AGBL1: variants seen among roughly 807,000 people sequenced by gnomAD.
The protein encoded by AGBL1 is cytosolic carboxypeptidase 4.
AGBL1 carries 130 observed loss-of-function variants against 118.9 expected under a neutral mutation model. That is an observed-to-expected ratio of 1.09 (90% CI 0.95 to 1.26). AGBL1 has a LOEUF of 1.26. Among genes scored for constraint, AGBL1 ranks in the 50% most tolerant of loss-of-function variants. The pLI is 0.00. For missense variants in AGBL1, 1,584 were observed against 1,298.1 expected (o/e 1.22, Z -3.38); for synonymous variants, 555 against 478.9 (o/e 1.16, Z -2.08).
intron 18 of AGBL1, among the ~76,000 whole-genome samples, chr15:86,438,072 A>G (rs1320905608): frequency 6.6e-5 from 10 of 151,800 alleles, no homozygotes; most frequent in Non-Finnish European, 2.9e-5. Flanking sequence ...TGCCCAACTA[A>G]TTTTTGTATT....
chr15:86,885,614 CTG>C (rs1200098906), intron 22 of AGBL1, among the ~76,000 whole-genome samples: 1 of 152,106 alleles, frequency 6.6e-6, no homozygotes, highest in Non-Finnish European at 1.5e-5. Context: ...TGCTACCTGA[CTG>C]TAATATAATT....
At chr15:86,189,882 T>C (rs1273791331) in intron 5 of AGBL1, among the ~76,000 whole-genome samples, 2 of 152,188 alleles carry the variant, frequency 1.3e-5, no homozygotes, top group African/African-American at 2.4e-5. Flanking sequence ...ACCTTGACAT[T>C]ACCATGCTGG....
At position 86,827,471 on chromosome 15, in the gene AGBL1, ATATATATATATAT is replaced by A. The variant is rs1567194925; in HGVS notation, c.3159-79615_3159-79603del. 2.2e-3 allele frequency among the ~76,000 whole-genome samples: 24 copies of A among 10,908 alleles called. 2 individuals are homozygous for A. Among genetic ancestry groups the A allele is most frequent in the African/African-American group, 9.3e-3 (21 of 2,252 alleles). The allele number at this position is 10,908 out of a possible 152,430, so 7.2% of individuals were successfully genotyped here. A position where few individuals can be genotyped will look rare whatever the true frequency, so the allele number is the denominator to read the frequency against. On this transcript the variant is annotated intron_variant, in intron 22 of 22. Coordinates refer to ENST00000614907, the MANE Select transcript of AGBL1 (RefSeq NM_001386094.1). Reference sequence around the variant, plus strand: ...TGTGTATATATATATATATATATACATATATATATATATGTGTGTATATATATATATATATATA... The same window carrying A: ...TGTGTATATATATATATATATATACAGTGTGTATATATATATATATATATA...
At chr15:86,174,015 C>A (rs139260293) in intron 5 of AGBL1, among the ~76,000 whole-genome samples, 4 of 152,146 alleles carry the variant, frequency 2.6e-5, no homozygotes, top group Admixed American at 6.5e-5. Context: ...TGCATTGAAT[C>A]TGTAGATTGC....
chr15:86,648,462 C>G (rs769594103), intron 21 of AGBL1, among the ~76,000 whole-genome samples: 1 of 152,090 alleles, frequency 6.6e-6, no homozygotes, highest in Non-Finnish European at 1.5e-5. Flanking sequence ...ATGGAGTTCC[C>G]CATCAACAGA....
At position 86,390,660 on chromosome 15, in the gene AGBL1, AT is replaced by A. The variant is rs756052402; in HGVS notation, c.2375-6680del. 3.8e-3 allele frequency among the ~76,000 whole-genome samples: 289 copies of A among 75,462 alleles called. 1 individual carries two copies. The highest frequency in any genetic ancestry group is 0.011 in the African/African-American group (218 of 18,976). 49.5% of individuals were successfully genotyped at this position (75,462 alleles called of 152,430 possible). A position where few individuals can be genotyped will look rare whatever the true frequency, so the allele number is the denominator to read the frequency against. On this transcript the variant is annotated intron_variant, in intron 17 of 22. Transcript: ENST00000614907. ...AGGCAGAAAAGTTATATACTGTATG[AT>A]TTTTTTTTTTTTTTTTTTTTTTTTT...
chr15:86,459,380 C>G (rs2082301780), intron 18 of AGBL1, among the ~76,000 whole-genome samples: 1 of 152,098 alleles, frequency 6.6e-6, no homozygotes, highest in African/African-American at 2.4e-5. Context: ...GACAAATGTT[C>G]ATTTGTCCCC....
chr15:86,736,930 T>C (rs1163623535), intron 22 of AGBL1, among the ~76,000 whole-genome samples: 1 of 152,216 alleles, frequency 6.6e-6, no homozygotes, highest in Non-Finnish European at 1.5e-5. Context: ...ATTTCTGGTA[T>C]GTGTATTTGC....
At position 86,925,239 on chromosome 15, in the gene AGBL1, G is replaced by C. The variant is rs906445020; in HGVS notation, c.3222-62748G>C. Among the ~76,000 whole-genome samples, 3 of 151,706 alleles carry C rather than the reference G, an allele frequency of 2.0e-5. No individual in the cohort carries two copies. The South Asian group carries it at 6.2e-4, about 32-fold the overall frequency. Reference sequence around the variant, plus strand: ...AAGAAGAAAGAAGAACCTGAACCTGGGTGGCTTGTTAAAACAGAGAGCTAA... The same window carrying C: ...AAGAAGAAAGAAGAACCTGAACCTGCGTGGCTTGTTAAAACAGAGAGCTAA... On this transcript the variant is annotated intron_variant, in intron 23 of 24. Coordinates refer to the AGBL1 transcript ENST00000441037.
At chr15:86,241,118 T>C (rs28378956) in intron 6 of AGBL1, among the ~76,000 whole-genome samples, 5,886 of 152,198 alleles carry the variant, frequency 0.039, 359 homozygotes, top group African/African-American at 0.13. Context: ...ATTGTATGTA[T>C]GGGAGTGTTT....
intron 17 of AGBL1, among the ~76,000 whole-genome samples, chr15:86,330,317 A>G (rs2080250145): frequency 6.6e-6 from 1 of 152,214 alleles, no homozygotes; most frequent in African/African-American, 2.4e-5. Context: ...ATGGCCCAAT[A>G]TAAAACCTGC....
In AGBL1 at chr15:86,500,192, G is replaced by A. The variant is rs563191044; in HGVS notation, c.2556-22618G>A. ...GACTTGAGAGCTTTATGAGGCTGGCGGTTGGAGTCATTCCTGGAAATTCCT... is the reference window on the plus strand; with the variant it reads ...GACTTGAGAGCTTTATGAGGCTGGCAGTTGGAGTCATTCCTGGAAATTCCT... On this transcript the variant is annotated intron_variant, in intron 18 of 22. Transcript: ENST00000614907. Among the ~76,000 whole-genome samples, 37 of 151,942 alleles carry A rather than the reference G, an allele frequency of 2.4e-4. No homozygotes were observed. In the South Asian group the frequency reaches 6.2e-3, roughly 26 times the overall value.
chr15:86,328,175 C>T (rs1408446679), intron 17 of AGBL1, among the ~76,000 whole-genome samples: 1 of 152,150 alleles, frequency 6.6e-6, no homozygotes, highest in Non-Finnish European at 1.5e-5. Context: ...TATAAAACTT[C>T]CAGCTCCTAA....
In AGBL1 at chr15:86,771,003, C is replaced by T. The variant is rs76236136; in HGVS notation, c.3158+96567C>T. Among the ~76,000 whole-genome samples, 336 of 152,118 alleles carry T rather than the reference C, an allele frequency of 2.2e-3. 3 individuals are homozygous for T. The highest frequency in any genetic ancestry group is 7.5e-3 in the African/African-American group (311 of 41,538). ...CAGGATTGAGGTGTCCACTTCCAGG[C>T]CTCACTCGTAAAGGCATCCAATGTG... On this transcript the variant is annotated intron_variant, in intron 22 of 22. Transcript: ENST00000614907.
chr15:86,196,926 C>A (rs1032421509), intron 5 of AGBL1, among the ~76,000 whole-genome samples: 1 of 146,652 alleles, frequency 6.8e-6, no homozygotes, highest in Non-Finnish European at 1.5e-5. Flanking sequence ...CACACACACA[C>A]GAAAGGCCAT....
chr15:86,404,022 C>A (rs975111725), intron 18 of AGBL1, among the ~76,000 whole-genome samples: 2 of 152,168 alleles, frequency 1.3e-5, no homozygotes, highest in African/African-American at 2.4e-5. Context: ...ATATGACTAG[C>A]TTGTGGGAGA....
At chr15:86,208,943 G>C (rs1013261768) in intron 5 of AGBL1, among the ~76,000 whole-genome samples, 1 of 152,068 alleles carries the variant, frequency 6.6e-6, no homozygotes, top group Non-Finnish European at 1.5e-5. Context: ...GCTTTCTCTT[G>C]TGGGCATTTA....
At chr15:86,508,004 C>T (rs960694948) in intron 18 of AGBL1, among the ~76,000 whole-genome samples, 6 of 141,302 alleles carry the variant, frequency 4.2e-5, no homozygotes, top group Middle Eastern at 3.7e-3. Context: ...AAGTGATTTG[C>T]CTTTTTTTTT....
intron 18 of AGBL1, among the ~76,000 whole-genome samples, chr15:86,461,432 G>A (rs1596143207): frequency 1.3e-5 from 2 of 152,050 alleles, no homozygotes; most frequent in East Asian, 1.9e-4. Flanking sequence ...TCCCTGGACC[G>A]CATCTGAGAA....
Sources: allele counts gnomAD v4.1 joint callset (sites outside exome capture counted in the v4.1 genomes callset), GRCh38; gene constraint gnomAD v4.1.1; transcripts MANE v1.5; gene names NCBI Gene and HGNC (gene_info 2026-07-23, HGNC 2026-07-21).